Variants in SENP8 observed in about 807,000 individuals in gnomAD.
The protein encoded by SENP8 is SUMO peptidase family member, NEDD8 specific, also known as sentrin-specific protease 8.
In SENP8, 10 loss-of-function variants were observed where a neutral mutation model predicts 14.4. The observed-to-expected ratio is 0.69, with a 90% CI of 0.43 to 1.18. The LOEUF (loss-of-function observed/expected upper bound fraction) is 1.18. Ranked by LOEUF, SENP8 falls within the 50% of genes most tolerant of loss-of-function variation. The probability of loss-of-function intolerance (pLI) is 0.00; values close to 1 mark genes in which losing one functional copy is unlikely to be tolerated. For missense variants in SENP8, 202 were observed against 249.4 expected, an observed-to-expected ratio of 0.81 and a Z score of 1.28; for synonymous variants, 94 against 95.5, an observed-to-expected ratio of 0.98 and a Z score of 0.09.
At chr15:72,123,360 CG>C (rs1662316574) in intron 1 of SENP8, among the ~76,000 whole-genome samples, 1 of 152,078 alleles carries the variant, frequency 6.6e-6, no homozygotes, top group South Asian at 2.1e-4. Flanking sequence ...CTTACACAGA[CG>C]TCTTATTAAT....
At chr15:72,114,414 G>C (rs1352619156), upstream of SENP8, 3 of 152,242 alleles carry the variant, frequency 2.0e-5, no homozygotes, top group East Asian at 3.8e-4. Context: ...GGAATGACCT[G>C]AAATATCATG....
At chr15:72,127,426 T>G (rs1176195642) in intron 1 of SENP8, among the ~76,000 whole-genome samples, 4 of 152,108 alleles carry the variant, frequency 2.6e-5, no homozygotes, top group African/African-American at 9.7e-5. Flanking sequence ...TACTAGAAGG[T>G]CCAGGCAGAG....
intron 1 of SENP8, among the ~76,000 whole-genome samples, chr15:72,132,783 C>T (rs2081287590): frequency 1.3e-5 from 2 of 151,048 alleles, no homozygotes; most frequent in Non-Finnish European, 2.9e-5. Flanking sequence ...CTTACTGAGT[C>T]TTATTGATTC....
intron 1 of SENP8, among the ~76,000 whole-genome samples, chr15:72,125,565 T>A (rs910088742): frequency 1.3e-5 from 2 of 152,032 alleles, no homozygotes; most frequent in African/African-American, 4.8e-5. Flanking sequence ...GTTGTGCCAA[T>A]GCTACTTATT....
chr15:72,130,486 G>T (rs1375580986), intron 1 of SENP8, among the ~76,000 whole-genome samples: 4 of 151,544 alleles, frequency 2.6e-5, no homozygotes, highest in African/African-American at 9.7e-5. Context: ...ATAGAAGCAG[G>T]CAGTGGGCCA....
intron 1 of SENP8, among the ~76,000 whole-genome samples, chr15:72,122,515 A>G (rs190025461): frequency 4.3e-4 from 66 of 152,368 alleles, no homozygotes; most frequent in Admixed American, 4.6e-4. Flanking sequence ...ATTCTAAAAA[A>G]TTGAATTTGG....
At chr15:72,136,368 C>G (rs768438019) in intron 1 of SENP8, among the ~76,000 whole-genome samples, 1 of 152,198 alleles carries the variant, frequency 6.6e-6, no homozygotes, top group Non-Finnish European at 1.5e-5. Context: ...TTGTGGCCCA[C>G]CCATAACAAA....
intron 1 of SENP8, among the ~76,000 whole-genome samples, chr15:72,128,506 A>G (rs1337037385): frequency 6.6e-6 from 1 of 152,238 alleles, no homozygotes; most frequent in African/African-American, 2.4e-5. Context: ...ATTGCCTGCC[A>G]CAGTTGCAAA....
chr15:72,118,039 C>G (rs531452702), upstream of SENP8: 9 of 396,584 alleles, frequency 2.3e-5, 1 homozygote, highest in African/African-American at 1.2e-4. Context: ...TCTCAACAGA[C>G]ACAGCCAACC....
intron 1 of SENP8, 43 bp from the exon 2 acceptor site, chr15:72,139,534 A>C (rs1040378324): frequency 2.7e-6 from 4 of 1,506,244 alleles, no homozygotes; most frequent in Non-Finnish European, 2.7e-6. Flanking sequence ...TTCCAGCCGC[A>C]TTTTACAGTC....
At chr15:72,130,017 C>T (rs527432514) in intron 1 of SENP8, among the ~76,000 whole-genome samples, 1 of 151,898 alleles carries the variant, frequency 6.6e-6, no homozygotes, top group Non-Finnish European at 1.5e-5. Context: ...GAAACCCCGT[C>T]TCTACTAAAA....
In SENP8 at chr15:72,139,873, A is replaced by G. The variant is rs1382068354; in HGVS notation, c.250A>G (p.Arg84Gly). Residue 84 changes from arginine (R) to glycine (G), a missense_variant, in exon 2 of 2, where the codon AGA (arginine) becomes GGA (glycine). Physicochemically the swap from Arg to Gly is moderately radical, Grantham distance 125. Transcript: ENST00000340912. ...TGAACCACTGGACCTCCCCAACAAG[A>G]GAGTTGTATTTTTAGCCATCAATGA... is the stretch of plus-strand genomic sequence containing the variant. ...FLEPLDLPNK[R>G]VVFLAINDNS... 1 of 1,614,072 alleles carries G rather than the reference A, an allele frequency of 6.2e-7. No individual in the cohort carries two copies.
upstream of SENP8, chr15:72,118,051 C>T (rs768275018): frequency 2.8e-5 from 11 of 396,146 alleles, no homozygotes; most frequent in Non-Finnish European, 4.9e-5. Context: ...CAGCCAACCG[C>T]CGCCGCGTCC....
intron 1 of SENP8, among the ~76,000 whole-genome samples, chr15:72,121,594 A>G (rs1247090433): frequency 2.0e-5 from 3 of 151,062 alleles, no homozygotes; most frequent in African/African-American, 4.9e-5. Context: ...TTAGCCAGAC[A>G]TAGTGGTGCC....
At chr15:72,117,576 C>T, upstream of SENP8, 1 of 381,936 alleles carries the variant, frequency 2.6e-6, no homozygotes, top group Non-Finnish European at 4.6e-6. Context: ...CGCGGGGCGT[C>T]TCCGCTGGGA....
rs185254585 is a variant in SENP8 at position 72,123,805 on chromosome 15, G to A, written c.-48+5341G>A. On this transcript the variant is annotated intron_variant, in intron 1 of 1. Transcript: ENST00000340912. ...TCCACCCGCCTTGGCCTCCCAAAGT[G>A]CTGGGATTACAGGCATGAGCCACCG... is the stretch of plus-strand genomic sequence containing the variant. 2.1e-3 allele frequency among the ~76,000 whole-genome samples: 316 copies of A among 152,286 alleles called. 1 individual carries two copies. Among genetic ancestry groups the A allele is most frequent in the African/African-American group, 7.4e-3 (306 of 41,554 alleles).
chr15:72,139,037 T>C (rs2081354901), intron 1 of SENP8, among the ~76,000 whole-genome samples: 1 of 151,138 alleles, frequency 6.6e-6, no homozygotes, highest in Admixed American at 6.6e-5. Flanking sequence ...AATTAATACA[T>C]GTTTTGTAAA....
upstream of SENP8, chr15:72,117,247 G>C (rs897169173): frequency 1.3e-5 from 2 of 152,264 alleles, no homozygotes; most frequent in Non-Finnish European, 2.9e-5. Flanking sequence ...GAGCGAGCTG[G>C]GAGGGGTTCT....
intron 1 of SENP8, among the ~76,000 whole-genome samples, chr15:72,127,131 G>A (rs1474974582): frequency 6.6e-6 from 1 of 152,082 alleles, no homozygotes; most frequent in Non-Finnish European, 1.5e-5. Context: ...ACTGTTTTAG[G>A]TCCTGGGGTT....
Sources: allele counts gnomAD v4.1 joint callset (sites outside exome capture counted in the v4.1 genomes callset), GRCh38; gene constraint gnomAD v4.1.1; transcripts MANE v1.5; gene names NCBI Gene and HGNC (gene_info 2026-07-23, HGNC 2026-07-21).